AMOTL1: variants seen among roughly 807,000 people sequenced by gnomAD.
The protein encoded by AMOTL1 is angiomotin-like protein 1.
AMOTL1 carries 45 observed loss-of-function variants against 102.9 expected under a neutral mutation model. That is an observed-to-expected ratio of 0.44 (90% CI 0.34 to 0.56). The LOEUF is 0.56. Ranked by LOEUF, AMOTL1 falls within the 20% of genes least tolerant of loss-of-function variation. The pLI, the probability that AMOTL1 is intolerant of heterozygous loss-of-function variation, is 0.01. For synonymous variants in AMOTL1, 481 were observed against 484.7 expected, an observed-to-expected ratio of 0.99 and a Z score of 0.10; for missense variants, 1,114 against 1,225.6, an observed-to-expected ratio of 0.91 and a Z score of 1.36.
At chr11:94,733,595 C>A (rs1950389505) in intron 2 of AMOTL1, among the ~76,000 whole-genome samples, 2 of 152,234 alleles carry the variant, frequency 1.3e-5, no homozygotes, top group Non-Finnish European at 2.9e-5. Context: ...CTGAAAGAAG[C>A]AATTCCCCCT....
chr11:94,755,635 C>T (rs1348453864), intron 3 of AMOTL1, among the ~76,000 whole-genome samples: 1 of 152,198 alleles, frequency 6.6e-6, no homozygotes, highest in East Asian at 1.9e-4. Context: ...GTTCCCATAT[C>T]CCCGTCACAG....
At chr11:94,742,856 C>T (rs1950544524) in intron 3 of AMOTL1, among the ~76,000 whole-genome samples, 1 of 152,104 alleles carries the variant, frequency 6.6e-6, no homozygotes, top group South Asian at 2.1e-4. Context: ...TCACTGTGTC[C>T]TCAACATGGC....
intron 8 of AMOTL1, among the ~76,000 whole-genome samples, chr11:94,857,647 G>A (rs1046307427): frequency 6.6e-6 from 1 of 152,180 alleles, no homozygotes; most frequent in African/African-American, 2.4e-5. Flanking sequence ...ATTAATTTTC[G>A]TGTCTTACTT....
At chr11:94,793,352 T>G (rs1407727062) in intron 1 of AMOTL1, among the ~76,000 whole-genome samples, 1 of 152,198 alleles carries the variant, frequency 6.6e-6, no homozygotes, top group African/African-American at 2.4e-5. Flanking sequence ...CTGTTGCTCT[T>G]CTCCCTCTTG....
At chr11:94,753,268 C>T (rs1211850300) in intron 3 of AMOTL1, among the ~76,000 whole-genome samples, 1 of 150,320 alleles carries the variant, frequency 6.7e-6, no homozygotes, top group Non-Finnish European at 1.5e-5. Flanking sequence ...AAATGACTAG[C>T]ATCTAATAAA....
At chr11:94,795,223 G>T in intron 2 of AMOTL1, 63 bp downstream of exon 2, 1 of 1,572,518 alleles carries the variant, frequency 6.4e-7, no homozygotes, top group South Asian at 1.2e-5. Context: ...CTCATCTTTA[G>T]CTCTTTTGCA....
chr11:94,830,438 A>G (rs1592010447), intron 5 of AMOTL1, among the ~76,000 whole-genome samples: 2 of 152,362 alleles, frequency 1.3e-5, no homozygotes, highest in Non-Finnish European at 2.9e-5. Flanking sequence ...GCATGAGTCT[A>G]TCAAAGGAAG....
chr11:94,840,204 G>A (rs1440211497), intron 6 of AMOTL1, among the ~76,000 whole-genome samples: 2 of 152,296 alleles, frequency 1.3e-5, no homozygotes, highest in African/African-American at 2.4e-5. Context: ...GAGTAACTCC[G>A]TGGTGTGGTT....
Position 94,859,560 on chromosome 11 carries a change from A to T in AMOTL1, c.1980A>T (p.Glu660Asp). ...ATGGCCAGCCAGCCAACATGCCGGA[A>T]TACAATGCCCCAGCCCTCCTGGAAC... ...HGNGQPANMP[E>D]YNAPALLELV... is the part of the protein sequence containing the mutation. The change falls in exon 9 of 13, where the codon GAA (glutamate) becomes GAT (aspartate). Residue 660 changes from glutamate (E) to aspartate (D), a missense_variant. By Grantham distance (45) the Glu-to-Asp change is conservative. Coordinates refer to ENST00000433060, the MANE Select transcript of AMOTL1 (RefSeq NM_130847.3). The T allele has an allele frequency of 1.9e-6, 3 of 1,613,544 alleles. No individual in the cohort carries two copies. Among genetic ancestry groups the T allele is most frequent in the Non-Finnish European group, 2.5e-6 (3 of 1,179,724 alleles).
Position 94,800,170 on chromosome 11 carries a change from C to T in AMOTL1, c.980C>T (p.Thr327Ile), listed in dbSNP as rs370586765. 3.7e-6 allele frequency: 6 copies of T among 1,613,972 alleles called. No individual in the cohort carries two copies. The highest frequency in any genetic ancestry group is 1.7e-5 in the Admixed American group (1 of 60,030). ...TKQMMSPVSKTQEHGLFYGDQ... is the reference protein window; with the variant it reads ...TKQMMSPVSKIQEHGLFYGDQ... ...CAAATGATGTCCCCAGTCAGCAAGA[C>T]CCAGGAGCACGGACTTTTTTATGGT... The change falls in exon 3 of 13, where the codon ACC becomes ATC. Residue 327 changes from threonine to isoleucine, a missense_variant. By Grantham distance (89) the Thr-to-Ile change is moderately conservative. Coordinates refer to ENST00000433060, the MANE Select transcript of AMOTL1 (RefSeq NM_130847.3).
chr11:94,711,573 G>T (rs917760639), intron 1 of AMOTL1, among the ~76,000 whole-genome samples: 3 of 151,968 alleles, frequency 2.0e-5, no homozygotes, highest in South Asian at 4.1e-4. Context: ...TCACTGCAAG[G>T]CTTCTTTATA....
upstream of AMOTL1, among the ~76,000 whole-genome samples, chr11:94,765,480 T>C (rs1461818587): frequency 1.3e-5 from 2 of 152,198 alleles, no homozygotes; most frequent in Non-Finnish European, 2.9e-5. Context: ...AAAGATTGTT[T>C]TCTGCATTTG....
intron 3 of AMOTL1, among the ~76,000 whole-genome samples, chr11:94,743,364 A>G (rs1950551296): frequency 6.6e-6 from 1 of 152,170 alleles, no homozygotes; most frequent in African/African-American, 2.4e-5. Context: ...GGTGTCCCCA[A>G]GGGTTATTCT....
chr11:94,830,425 T>C (rs1452423388), intron 5 of AMOTL1, among the ~76,000 whole-genome samples: 2 of 152,240 alleles, frequency 1.3e-5, no homozygotes, highest in Admixed American at 1.3e-4. Flanking sequence ...TGACAGCCTG[T>C]ATGCATGAGT....
chr11:94,866,238 G>A (rs1004544845), intron 11 of AMOTL1, 70 bp downstream of exon 11: 4 of 1,470,740 alleles, frequency 2.7e-6, no homozygotes, highest in Non-Finnish European at 3.8e-6. Context: ...CCACTCATGG[G>A]ACACGGAAAT....
At chr11:94,826,655 C>T (rs956129206) in intron 4 of AMOTL1, among the ~76,000 whole-genome samples, 1 of 152,180 alleles carries the variant, frequency 6.6e-6, no homozygotes, top group South Asian at 2.1e-4. Flanking sequence ...TCTAGTCTTA[C>T]TACTGCGAGA....
At chr11:94,731,157 G>A (rs1295228532) in intron 2 of AMOTL1, among the ~76,000 whole-genome samples, 5 of 152,154 alleles carry the variant, frequency 3.3e-5, no homozygotes, top group Admixed American at 6.5e-5. Context: ...CTGCTTTTGG[G>A]TAAGTGACGA....
chr11:94,856,256 T>A (rs1470997864), intron 8 of AMOTL1, among the ~76,000 whole-genome samples: 1 of 152,170 alleles, frequency 6.6e-6, no homozygotes, highest in Non-Finnish European at 1.5e-5. Context: ...TCAATCTTAT[T>A]ATTTTTTTTT....
chr11:94,813,515 G>A (rs1565363673), intron 3 of AMOTL1, among the ~76,000 whole-genome samples: 1 of 152,128 alleles, frequency 6.6e-6, no homozygotes, highest in Admixed American at 6.5e-5. Flanking sequence ...GCAACCATCC[G>A]CAGTTTTCAG....
Sources: gnomAD v4.1 joint callset for allele counts (sites outside exome capture counted in the v4.1 genomes callset) on GRCh38, gnomAD v4.1.1 for gene constraint, MANE v1.5 for transcripts, NCBI Gene and HGNC (gene_info 2026-07-23, HGNC 2026-07-21) for gene names.